Variants in ZMYND10 observed in about 807,000 individuals in gnomAD.
ZMYND10 encodes the protein zinc finger MYND domain-containing protein 10.
In ZMYND10, 52 loss-of-function variants were observed where a neutral mutation model predicts 62.6. The ratio of observed to expected loss-of-function variants is 0.83; its 90% CI spans 0.67 to 1.05. The LOEUF is 1.05. Ranked by LOEUF, ZMYND10 falls within the 50% of genes least tolerant of loss-of-function variation. The pLI is 0.00. For missense variants in ZMYND10, 438 were observed against 543.3 expected (o/e 0.81, Z 1.93); for synonymous variants, 197 against 218.5 (o/e 0.90, Z 0.87).
intron 4 of ZMYND10, 24 bp from the exon 5 acceptor site, chr3:50,343,468 TTC>T (rs1332391512): frequency 6.2e-7 from 1 of 1,612,452 alleles, no homozygotes; most frequent in Non-Finnish European, 8.5e-7. Context: ...GAGGGAAACT[TTC>T]TGTGTCTGAT....
Position 50,343,859 on chromosome 3 carries a change from G to GGT in ZMYND10, c.202-11_202-10dup, listed in dbSNP as rs774455561. 6.2e-7 allele frequency: 1 copy of GGT among 1,613,606 alleles called. No individual in the cohort carries two copies. The highest frequency in any genetic ancestry group is 1.1e-5 in the South Asian group (1 of 91,056). The stretch of plus-strand genomic sequence containing the variant: ...TCCACCAGTGTTGGGACCTTTGAAG[G>GGT]GTAGGGTAAAGGACAGGGATGAGAT... On this transcript the variant is annotated splice_polypyrimidine_tract_variant and intron_variant, in intron 2 of 11. Transcript: ENST00000231749.
Position 50,345,703 on chromosome 3 carries a change from C to A in ZMYND10, c.-124G>T. On this transcript the variant is annotated 5_prime_UTR_variant, in exon 1 of 12. Transcript: ENST00000231749. The surrounding 1 kb of genome is among the most constrained non-coding windows in gnomAD (Gnocchi z 5.0). ...GGACAGTTGCGGGACGGTTGGGGAGCGTCAGTTCTCGCAGCCATGGAAACG... is the reference window on the plus strand; with the variant it reads ...GGACAGTTGCGGGACGGTTGGGGAGAGTCAGTTCTCGCAGCCATGGAAACG... 6.7e-7 allele frequency: 1 copy of A among 1,483,152 alleles called. No individual in the cohort carries two copies. 91.9% of individuals were successfully genotyped at this position (1,483,152 alleles called of 1,614,324 possible).
chr3:50,341,655 G>C lies in ZMYND10; in HGVS notation c.1166C>G (p.Pro389Arg). The C allele has an allele frequency of 1.9e-6, 3 of 1,614,256 alleles. No homozygotes were observed. Among genetic ancestry groups the C allele is most frequent in the Non-Finnish European group, 2.5e-6 (3 of 1,180,052 alleles). Residue 389 changes from proline to arginine, a missense_variant, in exon 11 of 12, where the codon CCA (proline) becomes CGA (arginine). Transcript: ENST00000231749. ...YRLDVLEAVA[P>R]ERPRCAYCSA... Reference sequence around the variant, plus strand: ...GCAGTAAGCACAGCGGGGCCGCTCTGGAGCCACTGCCTCTAGCACATCCAG... The same window carrying C: ...GCAGTAAGCACAGCGGGGCCGCTCTCGAGCCACTGCCTCTAGCACATCCAG...
intron 7 of ZMYND10, 112 bp downstream of exon 7, chr3:50,342,806 T>C: frequency 6.8e-7 from 1 of 1,473,630 alleles, no homozygotes; most frequent in East Asian, 2.5e-5. Flanking sequence ...CCTGGTATCC[T>C]CAGTGGGCTT....
chr3:50,342,983 G>A lies in ZMYND10; in HGVS notation c.635C>T (p.Thr212Ile), dbSNP rs1703435642. The stretch of plus-strand genomic sequence containing the variant: ...CACCAGGAGGCAGGGCAGGTTGTGT[G>A]TGCTAAGCATACGGCTCAAGGTGCT... ...SLSTLSRMLS[T>I]HNLPCLLVEL... The change falls in exon 7 of 12, where the codon ACA becomes ATA. Residue 212 changes from threonine to isoleucine, a missense_variant. Coordinates refer to ENST00000231749, the MANE Select transcript of ZMYND10 (RefSeq NM_015896.4). The A allele has an allele frequency of 6.2e-7, 1 of 1,614,162 alleles. No individual in the cohort carries two copies. The highest frequency in any genetic ancestry group is 8.5e-7 in the Non-Finnish European group (1 of 1,179,998).
intron 2 of ZMYND10, among the ~76,000 whole-genome samples, chr3:50,344,315 C>CTTT (rs71080585): frequency 1.1e-4 from 14 of 128,688 alleles, no homozygotes; most frequent in Admixed American, 1.5e-4. Flanking sequence ...AAGGACCTTT[C>CTTT]TTTTTTTTTT....
In ZMYND10 at chr3:50,345,552, C is replaced by T. The variant is rs1703519596; in HGVS notation, c.28G>A (p.Gly10Arg). 3 of 1,607,048 alleles carry T rather than the reference C, an allele frequency of 1.9e-6. No individual in the cohort carries two copies. Among genetic ancestry groups the T allele is most frequent in the Admixed American group, 1.7e-5 (1 of 59,380 alleles). The change falls in exon 1 of 12, where the codon GGG becomes AGG. Residue 10 changes from glycine (G) to arginine (R), a missense_variant. Physicochemically the swap from Gly to Arg is moderately radical, Grantham distance 125 (BLOSUM62 -2). Coordinates refer to ENST00000231749, the MANE Select transcript of ZMYND10 (RefSeq NM_015896.4). This position sits in a 1 kb window ranked among gnomAD's most constrained non-coding sequence, Gnocchi z 5.0. ...CCCCGCACCAGCACTTCAGCTTCCCCGGGCAGCAGCAGTTCCAGGTCTCCC... is the reference window on the plus strand; with the variant it reads ...CCCCGCACCAGCACTTCAGCTTCCCTGGGCAGCAGCAGTTCCAGGTCTCCC... The part of the protein sequence containing the change: MGDLELLLP[G>R]EAEVLVRGLR...
At position 50,344,956 on chromosome 3, in the gene ZMYND10, G is replaced by A. The variant is rs1703498988; in HGVS notation, c.201+168C>T. 8.0e-6 allele frequency: 5 copies of A among 621,662 alleles called. No individual in the cohort carries two copies. The South Asian group carries it at 9.4e-5, about 12-fold the overall frequency. The allele number at this position is 621,662 out of a possible 1,614,324, so 38.5% of individuals were successfully genotyped here. ...CCTGCACCCAGCCTGGTGTGCCAGA[G>A]TCCTGTCCAATAGGGATACAAAATG... On this transcript the variant is annotated intron_variant, in intron 2 of 11. Coordinates refer to ENST00000231749, the MANE Select transcript of ZMYND10 (RefSeq NM_015896.4).
At position 50,342,901 on chromosome 3, in the gene ZMYND10, G is replaced by T. The variant is rs1251119033; in HGVS notation, c.700+17C>A. 1 of 1,612,626 alleles carries T rather than the reference G, an allele frequency of 6.2e-7. No individual in the cohort carries two copies. The highest frequency in any genetic ancestry group is 1.3e-5 in the African/African-American group (1 of 74,876). On this transcript the variant is annotated intron_variant, in intron 7 of 11. Transcript: ENST00000231749. ...AAGCAGTAGCCTGGGGCTTAGGCTG[G>T]TGGGGGAGGACCCTACCTCCTTCCC...
chr3:50,343,807 T>C lies in ZMYND10; in HGVS notation c.245A>G (p.Lys82Arg), dbSNP rs775643110. The change falls in exon 3 of 12, where the codon AAG becomes AGG. Residue 82 changes from lysine to arginine, a missense_variant. Transcript: ENST00000231749. ...GCAGAACACAGGGAACACCTTCTGC[T>C]TCCACATCTCCACTGCGATCAGCTC... ...VEELIAVEMWKQKVFPVFCRV... is the reference protein window; with the variant it reads ...VEELIAVEMWRQKVFPVFCRV... 1 of 1,614,232 alleles carries C rather than the reference T, an allele frequency of 6.2e-7. No homozygotes were observed. Among genetic ancestry groups the C allele is most frequent in the Non-Finnish European group, 8.5e-7 (1 of 1,180,040 alleles).
chr3:50,341,745 C>T, intron 10 of ZMYND10, 46 bp from the exon 11 acceptor site: 2 of 1,611,956 alleles, frequency 1.2e-6, no homozygotes, highest in East Asian at 2.2e-5. Flanking sequence ...AAGGTGGGGG[C>T]ACCCCACCCA....
In ZMYND10 at chr3:50,345,249, G is replaced by T. The variant is rs769372980; in HGVS notation, c.93-17C>A. On this transcript the variant is annotated splice_polypyrimidine_tract_variant and intron_variant, in intron 1 of 11. Coordinates refer to ENST00000231749, the MANE Select transcript of ZMYND10 (RefSeq NM_015896.4). This position sits in a 1 kb window ranked among gnomAD's most constrained non-coding sequence, Gnocchi z 5.0. ...TGGTTCCACCTGCCTCAGAGGGTAA[G>T]TGCATGTGCGTCCACGTGTGTGCAT... 6.2e-7 allele frequency: 1 copy of T among 1,610,692 alleles called. No individual in the cohort carries two copies. The highest frequency in any genetic ancestry group is 1.7e-5 in the Admixed American group (1 of 59,600).
chr3:50,341,301 T>C lies in ZMYND10; in HGVS notation c.*109A>G, dbSNP rs1239707959. 1 of 1,370,776 alleles carries C rather than the reference T, an allele frequency of 7.3e-7. No individual in the cohort carries two copies. Among genetic ancestry groups the C allele is most frequent in the Non-Finnish European group, 1.0e-6 (1 of 986,874 alleles). 84.9% of individuals were successfully genotyped at this position (1,370,776 alleles called of 1,614,324 possible). On this transcript the variant is annotated 3_prime_UTR_variant, in exon 12 of 12. Coordinates refer to ENST00000231749, the MANE Select transcript of ZMYND10 (RefSeq NM_015896.4). ...CTTTACCGCCCGCTCTGCTCTCCAC[T>C]GCGGAGACTGGGGCTCCGGCAGAGG...
chr3:50,343,697 G>A, intron 3 of ZMYND10, 37 bp downstream of exon 3: 1 of 1,613,806 alleles, frequency 6.2e-7, no homozygotes, highest in Middle Eastern at 1.6e-4. Flanking sequence ...GCCCTCTGAA[G>A]GAGTGAGAAG....
Position 50,345,493 on chromosome 3 carries a change from G to A in ZMYND10, c.87C>T (p.Ser29=), listed in dbSNP as rs1444580816. The change falls in exon 1 of 12, where the codon TCC becomes TCT. Residue 29 remains serine, a synonymous_variant. Transcript: ENST00000231749. The surrounding 1 kb of genome is among the most constrained non-coding windows in gnomAD (Gnocchi z 5.0). ...GCCTGACCCGGGTGCCTCACCCTTCGGAGCCCATCTCGCGTAGCGGGAAGC... is the reference window on the plus strand; with the variant it reads ...GCCTGACCCGGGTGCCTCACCCTTCAGAGCCCATCTCGCGTAGCGGGAAGC... The part of the protein sequence containing the change: ...LRSFPLREMG[S]EGWNQQHENL... 5.0e-6 allele frequency: 8 copies of A among 1,602,290 alleles called. No homozygotes were observed. In the African/African-American group the frequency reaches 5.4e-5, roughly 11 times the overall value.
At chr3:50,342,339 G>A (rs985594994) in intron 8 of ZMYND10, 58 bp downstream of exon 8, 1 of 1,554,136 alleles carries the variant, frequency 6.4e-7, no homozygotes, top group Admixed American at 2.0e-5. Flanking sequence ...GACGCAGTCG[G>A]GGTAGGATGG....
chr3:50,343,118 C>T lies in ZMYND10; in HGVS notation c.599G>A (p.Ser200Asn), dbSNP rs1446495964. The change falls in exon 6 of 12, where the codon AGC becomes AAC. Residue 200 changes from serine to asparagine, a missense_variant and splice_region_variant. Coordinates refer to ENST00000231749, the MANE Select transcript of ZMYND10 (RefSeq NM_015896.4). Reference sequence around the variant, plus strand: ...GCCCAGGCCCAGTCGGACTGCTCACCTGTCCACACAGTCTGTGATGTAGCG... The same window carrying T: ...GCCCAGGCCCAGTCGGACTGCTCACTTGTCCACACAGTCTGTGATGTAGCG... ...VLRYITDCVD[S>N]LSLSTLSRML... is the part of the protein sequence containing the mutation. 3 of 1,614,122 alleles carry T rather than the reference C, an allele frequency of 1.9e-6. No individual in the cohort carries two copies. The highest frequency in any genetic ancestry group is 2.5e-6 in the Non-Finnish European group (3 of 1,180,028).
In ZMYND10 at chr3:50,343,140, A is replaced by T. The variant is rs1258215920; in HGVS notation, c.577T>A (p.Tyr193Asn). The T allele has an allele frequency of 6.2e-7, 1 of 1,614,200 alleles. No individual in the cohort carries two copies. ...CACCTGTCCACACAGTCTGTGATGT[A>T]GCGTAGTACTGAGAGGGCCTTCAGT... is the stretch of plus-strand genomic sequence containing the variant. ...IALKALSVLR[Y>N]ITDCVDSLSL... The change falls in exon 6 of 12, where the codon TAC (tyrosine) becomes AAC (asparagine). Residue 193 changes from tyrosine (Y) to asparagine (N), a missense_variant. By Grantham distance (143) the Tyr-to-Asn change is moderately radical. Coordinates refer to ENST00000231749, the MANE Select transcript of ZMYND10 (RefSeq NM_015896.4).
rs763726267 is a variant in ZMYND10, at chr3:50,345,622, G to A, written c.-43C>T. 5.8e-6 allele frequency: 9 copies of A among 1,550,432 alleles called. No homozygotes were observed. The South Asian group carries it at 8.3e-5, about 14-fold the overall frequency. ...GCGGATCCTGGGCAGCAGCCGGGGT[G>A]GGGATGCTGTCACATTCGGGGACGA... On this transcript the variant is annotated 5_prime_UTR_variant, in exon 1 of 12. Coordinates refer to ENST00000231749, the MANE Select transcript of ZMYND10 (RefSeq NM_015896.4). The surrounding 1 kb of genome is among the most constrained non-coding windows in gnomAD (Gnocchi z 5.0).
Sources: allele counts gnomAD v4.1 joint callset (sites outside exome capture counted in the v4.1 genomes callset), GRCh38; gene constraint gnomAD v4.1.1; non-coding constraint Gnocchi (gnomAD v3.1); transcripts MANE v1.5; gene names NCBI Gene and HGNC (gene_info 2026-07-23, HGNC 2026-07-21).